The following BTAF1 variants were observed in gnomAD, a reference collection of about 807,000 sequenced individuals.
The protein encoded by BTAF1 is B-TFIID TATA-box binding protein associated factor 1, also known as TATA-binding protein-associated factor 172.
BTAF1 carries 38 observed loss-of-function variants against 227.1 expected under a neutral mutation model. The ratio of observed to expected loss-of-function variants is 0.17; its 90% CI spans 0.13 to 0.22. The LOEUF (loss-of-function observed/expected upper bound fraction) is 0.22, where lower values mean the gene tolerates loss of function less well. BTAF1 is among the 10% of genes least tolerant of loss of function. The pLI is 1.00. For missense variants in BTAF1, 1,598 were observed against 2,204.0 expected (o/e 0.73, Z 5.51); for synonymous variants, 742 against 751.9 (o/e 0.99, Z 0.21).
At chr10:92,019,890 T>TG (rs1245204377) in intron 34 of BTAF1, among the ~76,000 whole-genome samples, 27 of 35,954 alleles carry the variant, frequency 7.5e-4, no homozygotes, top group Non-Finnish European at 1.2e-3. Context: ...TTGTTGTTGC[T>TG]GTTTTTTTTT....
intron 1 of BTAF1, 119 bp downstream of exon 1, chr10:91,924,209 T>A: frequency 7.4e-7 from 1 of 1,350,786 alleles, no homozygotes; most frequent in Non-Finnish European, 9.9e-7. Flanking sequence ...TGGAGCTTTC[T>A]TCAGTAGACT....
Position 91,993,802 on chromosome 10 carries a change from G to A in BTAF1, c.3154G>A (p.Ala1052Thr). 2.5e-6 allele frequency: 4 copies of A among 1,608,328 alleles called. No individual in the cohort carries two copies. Among genetic ancestry groups the A allele is most frequent in the Non-Finnish European group, 3.4e-6 (4 of 1,176,658 alleles). The change falls in exon 22 of 38, where the codon GCT becomes ACT. Residue 1052 changes from alanine to threonine, a missense_variant. Physicochemically the swap from Ala to Thr is moderately conservative, Grantham distance 58. Transcript: ENST00000265990. ...MAVKLPHLWDAMVGPLRNTID... is the reference protein window; with the variant it reads ...MAVKLPHLWDTMVGPLRNTID... Reference sequence around the variant, plus strand: ...AGTGAAGTTGCCACATCTCTGGGATGCTATGGTTGGCCCATTGAGGAATAC... The same window carrying A: ...AGTGAAGTTGCCACATCTCTGGGATACTATGGTTGGCCCATTGAGGAATAC...
chr10:91,925,375 A>T (rs1843753888), intron 1 of BTAF1, among the ~76,000 whole-genome samples: 1 of 152,160 alleles, frequency 6.6e-6, no homozygotes, highest in African/African-American at 2.4e-5. Flanking sequence ...TTAATATAAC[A>T]TTTATCAGGT....
intron 20 of BTAF1, 67 bp downstream of exon 20, chr10:91,989,647 G>T: frequency 1.4e-6 from 2 of 1,398,230 alleles, no homozygotes; most frequent in Non-Finnish European, 1.9e-6. Context: ...TTTACTTATG[G>T]GTATAATTTA....
At chr10:92,019,702 G>A (rs769522867) in intron 34 of BTAF1, among the ~76,000 whole-genome samples, 2 of 152,074 alleles carry the variant, frequency 1.3e-5, no homozygotes, top group Non-Finnish European at 2.9e-5. Flanking sequence ...ATCCTACTAG[G>A]TATGAAGTGA....
intron 28 of BTAF1, 51 bp from the exon 29 acceptor site, chr10:92,011,021 TA>T (rs1370365183): frequency 1.6e-5 from 22 of 1,350,752 alleles, no homozygotes; most frequent in Non-Finnish European, 2.3e-5. Context: ...TGGTAGCTAT[TA>T]AGAACTTTTC....
chr10:91,933,602 G>A (rs1844411769), intron 1 of BTAF1, among the ~76,000 whole-genome samples: 1 of 152,304 alleles, frequency 6.6e-6, no homozygotes, highest in African/African-American at 2.4e-5. Flanking sequence ...GGTCGCAGCT[G>A]TCAAAGAAGA....
At chr10:91,936,406 A>AGGGGAGCAATGTGATTGCCCAGATAT (rs1554848748) in intron 2 of BTAF1, among the ~76,000 whole-genome samples, 2 of 150,758 alleles carry the variant, frequency 1.3e-5, no homozygotes, top group African/African-American at 4.9e-5. Flanking sequence ...AGGATAGGGT[A>AGGGGAGCAATGTGATTGCCCAGATAT]GGGGAGCAAT....
chr10:91,973,367 G>GTGCTT (rs1847444767), intron 14 of BTAF1, among the ~76,000 whole-genome samples: 1 of 152,170 alleles, frequency 6.6e-6, no homozygotes, highest in Non-Finnish European at 1.5e-5. Context: ...GTGTATGAAA[G>GTGCTT]TGCTTTGAAA....
chr10:92,024,889 A>T lies in BTAF1; in HGVS notation c.4997A>T (p.Lys1666Ile). 1.2e-6 allele frequency: 2 copies of T among 1,614,090 alleles called. No individual in the cohort carries two copies. Among genetic ancestry groups the T allele is most frequent in the Non-Finnish European group, 1.7e-6 (2 of 1,180,016 alleles). Residue 1666 changes from lysine to isoleucine, a missense_variant, in exon 35 of 38, where the codon AAA becomes ATA. Around this residue, in one of 10 missense-constraint regions of BTAF1, gnomAD observed 205 missense variants for 244.5 expected, o/e 0.84. Coordinates refer to ENST00000265990, the MANE Select transcript of BTAF1 (RefSeq NM_003972.3). ...MLDIVEHDLL[K>I]PHLPSVTYLR... is the part of the protein sequence containing the mutation. ...GATATAGTAGAGCATGATCTCCTCA[A>T]ACCTCACTTGCCCTCTGTCACTTAT...
chr10:92,023,248 AAC>A (rs1851265567), intron 34 of BTAF1, among the ~76,000 whole-genome samples: 1 of 152,230 alleles, frequency 6.6e-6, no homozygotes, highest in South Asian at 2.1e-4. Context: ...TTCTGAGGAA[AAC>A]AGTGTCCTTT....
chr10:92,016,280 T>G (rs1275229986), intron 32 of BTAF1, 60 bp from the exon 33 acceptor site: 1 of 1,543,830 alleles, frequency 6.5e-7, no homozygotes, highest in East Asian at 2.4e-5. Flanking sequence ...GCTGGTTATG[T>G]GTTTTGAACA....
chr10:91,975,820 A>G (rs954449045), intron 14 of BTAF1, among the ~76,000 whole-genome samples: 1 of 152,214 alleles, frequency 6.6e-6, no homozygotes, highest in African/African-American at 2.4e-5. Flanking sequence ...GAGATGCCAA[A>G]TCTGCCAGTT....
intron 1 of BTAF1, among the ~76,000 whole-genome samples, chr10:91,925,223 AT>A (rs892387598): frequency 4.6e-5 from 7 of 151,616 alleles, no homozygotes; most frequent in African/African-American, 1.7e-4. Flanking sequence ...ATGTGAGGAA[AT>A]TTTTTTTTAA....
At chr10:92,010,998 C>T in intron 28 of BTAF1, 75 bp from the exon 29 acceptor site, 1 of 1,075,980 alleles carries the variant, frequency 9.3e-7, no homozygotes, top group Non-Finnish European at 1.4e-6. Flanking sequence ...AGATTGAAAG[C>T]ACTTTATACA....
chr10:92,009,334 T>C (rs368182247), intron 28 of BTAF1, 126 bp downstream of exon 28: 16 of 996,810 alleles, frequency 1.6e-5, no homozygotes, highest in Admixed American at 1.1e-4. Context: ...ACTTCACTTA[T>C]GAAAAGTGAA....
At chr10:91,988,607 G>A (rs557805854) in intron 19 of BTAF1, among the ~76,000 whole-genome samples, 10 of 152,280 alleles carry the variant, frequency 6.6e-5, no homozygotes, top group African/African-American at 2.4e-4. Context: ...GTTCTGTTTT[G>A]TTTTGTTTTG....
intron 14 of BTAF1, among the ~76,000 whole-genome samples, chr10:91,977,526 T>C (rs779976565): frequency 1.3e-5 from 2 of 152,222 alleles, no homozygotes; most frequent in African/African-American, 2.4e-5. Context: ...TTGGCAGTTA[T>C]GAATAAAGCT....
intron 19 of BTAF1, among the ~76,000 whole-genome samples, chr10:91,986,015 T>A (rs1233779940): frequency 6.6e-6 from 1 of 152,110 alleles, no homozygotes; most frequent in Non-Finnish European, 1.5e-5. Flanking sequence ...GTTGTGTGAC[T>A]TCAGTAATTT....
Sources: gnomAD v4.1 joint callset for allele counts (sites outside exome capture counted in the v4.1 genomes callset) on GRCh38, gnomAD v4.1.1 for gene constraint, gnomAD v4.1.1 regional missense constraint, MANE v1.5 for transcripts, NCBI Gene and HGNC (gene_info 2026-07-23, HGNC 2026-07-21) for gene names.